The following ZCCHC7 variants were observed in gnomAD, a reference collection of about 807,000 sequenced individuals.
The protein encoded by ZCCHC7 is zinc finger CCHC-type containing 7.
A neutral mutation model predicts 52.0 loss-of-function variants in ZCCHC7; 35 were observed. The ratio of observed to expected loss-of-function variants is 0.67; its 90% CI spans 0.51 to 0.89. The LOEUF is 0.89. ZCCHC7 is among the 40% of genes least tolerant of loss of function. The pLI is 0.00. For missense variants in ZCCHC7, 574 were observed against 649.1 expected (o/e 0.88, Z 1.26); for synonymous variants, 217 against 221.5 (o/e 0.98, Z 0.18).
chr9:37,345,862 G>A (rs1820931922), intron 6 of ZCCHC7, among the ~76,000 whole-genome samples: 1 of 152,024 alleles, frequency 6.6e-6, no homozygotes, highest in Admixed American at 6.6e-5. Flanking sequence ...TCCATTTTGT[G>A]TAGCTTTCAG....
intron 2 of ZCCHC7, among the ~76,000 whole-genome samples, chr9:37,129,520 C>T (rs1316406691): frequency 6.6e-6 from 1 of 152,200 alleles, no homozygotes; most frequent in Non-Finnish European, 1.5e-5. Context: ...TAATCACTAT[C>T]CCTCTCATAA....
intron 2 of ZCCHC7, among the ~76,000 whole-genome samples, chr9:37,181,302 A>G (rs1822340143): frequency 6.6e-6 from 1 of 152,162 alleles, no homozygotes; most frequent in Non-Finnish European, 1.5e-5. Context: ...GCCTTTACCT[A>G]AGGAAGAAGG....
intron 2 of ZCCHC7, among the ~76,000 whole-genome samples, chr9:37,211,985 C>T (rs946469239): frequency 1.8e-4 from 24 of 130,028 alleles, no homozygotes; most frequent in African/African-American, 7.1e-4. Context: ...CGAGATGGCG[C>T]CACTGCACTC....
In ZCCHC7 at chr9:37,354,945, C is replaced by G. The variant is rs1564275914; in HGVS notation, c.1198+121C>G. 1 of 604,056 alleles carries G rather than the reference C, an allele frequency of 1.7e-6. No individual in the cohort carries two copies. Among genetic ancestry groups the G allele is most frequent in the Non-Finnish European group, 2.8e-6 (1 of 355,262 alleles). The allele number at this position is 604,056 out of a possible 1,614,324, so 37.4% of individuals were successfully genotyped here. On this transcript the variant is annotated intron_variant, in intron 8 of 8. Coordinates refer to ENST00000336755, the MANE Select transcript of ZCCHC7 (RefSeq NM_032226.3). This position sits in a 1 kb window ranked among gnomAD's most constrained non-coding sequence, Gnocchi z 4.0. ...CATAGAAAGTATTTTTAGTAATTAC[C>G]AAAGAGACTGGAACTTTCTTGATCT...
intron 6 of ZCCHC7, among the ~76,000 whole-genome samples, chr9:37,341,553 A>G (rs974817064): frequency 6.6e-6 from 1 of 152,150 alleles, no homozygotes; most frequent in African/African-American, 2.4e-5. Flanking sequence ...TTGGGAGTGG[A>G]TAGGTAGTAA....
At chr9:37,154,443 T>C (rs1820700042) in intron 2 of ZCCHC7, among the ~76,000 whole-genome samples, 1 of 152,174 alleles carries the variant, frequency 6.6e-6, no homozygotes, top group Non-Finnish European at 1.5e-5. Flanking sequence ...TAGAATTCTG[T>C]GTCATTAATT....
intron 6 of ZCCHC7, among the ~76,000 whole-genome samples, chr9:37,337,218 T>C (rs1830712742): frequency 6.6e-6 from 1 of 152,168 alleles, no homozygotes; most frequent in Non-Finnish European, 1.5e-5. Flanking sequence ...AGAGTTTATC[T>C]GGCTGGCAAA....
At chr9:37,312,421 G>A (rs1477596516) in intron 5 of ZCCHC7, among the ~76,000 whole-genome samples, 1 of 152,236 alleles carries the variant, frequency 6.6e-6, no homozygotes, top group Non-Finnish European at 1.5e-5. Flanking sequence ...AAAGGTGGGT[G>A]TGTTAAGAAC....
At chr9:37,270,602 A>G (rs1230832099) in intron 2 of ZCCHC7, among the ~76,000 whole-genome samples, 3 of 151,808 alleles carry the variant, frequency 2.0e-5, no homozygotes, top group Admixed American at 1.3e-4. Flanking sequence ...GAATCGCTTG[A>G]ACCTGGGAGG....
At chr9:37,327,957 T>C in intron 6 of ZCCHC7, 123 bp downstream of exon 6, 1 of 1,032,520 alleles carries the variant, frequency 9.7e-7, no homozygotes, top group Non-Finnish European at 1.4e-6. Flanking sequence ...TGAAGAGTTT[T>C]TGTACGGAGA....
chr9:37,275,629 G>C (rs1827647934), intron 2 of ZCCHC7, among the ~76,000 whole-genome samples: 1 of 151,902 alleles, frequency 6.6e-6, no homozygotes, highest in Admixed American at 6.6e-5. Context: ...TGGAATGGCA[G>C]ACTCTTTTTT....
chr9:37,349,751 A>G (rs1821249594), intron 7 of ZCCHC7, among the ~76,000 whole-genome samples: 1 of 152,152 alleles, frequency 6.6e-6, no homozygotes, highest in African/African-American at 2.4e-5. Context: ...GAGTTCTTAC[A>G]AACACAATTG....
At chr9:37,349,526 G>T in intron 7 of ZCCHC7, 74 bp downstream of exon 7, 2 of 1,375,800 alleles carry the variant, frequency 1.5e-6, no homozygotes, top group South Asian at 1.2e-5. Flanking sequence ...AACTCAAAAA[G>T]AATGTAACTC....
chr9:37,293,962 T>C (rs1292774865), intron 2 of ZCCHC7, among the ~76,000 whole-genome samples: 1 of 152,164 alleles, frequency 6.6e-6, no homozygotes, highest in Non-Finnish European at 1.5e-5. Context: ...AAATAAAAAA[T>C]TGTTTCTGGT....
At chr9:37,312,712 C>T (rs1829651628) in intron 5 of ZCCHC7, among the ~76,000 whole-genome samples, 2 of 152,130 alleles carry the variant, frequency 1.3e-5, no homozygotes, top group Admixed American at 1.3e-4. Flanking sequence ...TGCCTGAGGC[C>T]AGGAGTTAGA....
At chr9:37,312,578 G>A (rs1466784606) in intron 5 of ZCCHC7, among the ~76,000 whole-genome samples, 1 of 152,224 alleles carries the variant, frequency 6.6e-6, no homozygotes, top group Non-Finnish European at 1.5e-5. Flanking sequence ...AAGTAACTGT[G>A]TCTTTTTATT....
At chr9:37,125,666 A>T (rs903010465) in intron 1 of ZCCHC7, among the ~76,000 whole-genome samples, 3 of 152,258 alleles carry the variant, frequency 2.0e-5, no homozygotes, top group African/African-American at 7.2e-5. Flanking sequence ...TAGGATAGTG[A>T]GAGCTGCTTT....
At chr9:37,330,550 G>GA (rs1159060981) in intron 6 of ZCCHC7, among the ~76,000 whole-genome samples, 2 of 151,122 alleles carry the variant, frequency 1.3e-5, no homozygotes, top group African/African-American at 2.4e-5. Context: ...ATGAAAAAAA[G>GA]AAAAAAATAT....
chr9:37,330,104 C>T (rs2118222932), intron 6 of ZCCHC7, among the ~76,000 whole-genome samples: 1 of 151,772 alleles, frequency 6.6e-6, no homozygotes, highest in East Asian at 1.9e-4. Flanking sequence ...AATGTTTATC[C>T]AGGAGTCGTT....
Sources: gnomAD v4.1 joint callset for allele counts (sites outside exome capture counted in the v4.1 genomes callset) on GRCh38, gnomAD v4.1.1 for gene constraint, Gnocchi (gnomAD v3.1) non-coding constraint, MANE v1.5 for transcripts, NCBI Gene and HGNC (gene_info 2026-07-23, HGNC 2026-07-21) for gene names.